PTPRS: variants seen among roughly 807,000 people sequenced by gnomAD.
PTPRS encodes the protein receptor-type tyrosine-protein phosphatase S.
A neutral mutation model predicts 215.3 loss-of-function variants in PTPRS; 63 were observed. The ratio of observed to expected loss-of-function variants is 0.29; its 90% CI spans 0.24 to 0.36. PTPRS has a LOEUF of 0.36. Ranked by LOEUF, PTPRS falls within the 10% of genes least tolerant of loss-of-function variation. The probability of loss-of-function intolerance (pLI) is 1.00; values close to 1 mark genes in which losing one functional copy is unlikely to be tolerated. For synonymous variants in PTPRS, 1,404 were observed against 1,191.4 expected (o/e 1.18, Z -3.68); for missense variants, 2,258 against 2,825.8 (o/e 0.80, Z 4.56).
At position 5,229,536 on chromosome 19, in the gene PTPRS, G is replaced by A; in HGVS notation, c.2304C>T (p.Ala768=). Residue 768 remains alanine, a synonymous_variant, in exon 15 of 38, where the codon GCC becomes GCT. Coordinates refer to ENST00000262963, the MANE Select transcript of PTPRS (RefSeq NM_002850.4). ...VHYVRMEGAE[A]RGPPRIKDVM... is the part of the protein sequence containing the mutation. ...CGTCCTTGATGCGCGGCGGCCCGCG[G>A]GCCTCGGCGCCCTCCATGCGCACGT... is the stretch of plus-strand genomic sequence containing the variant. 6.8e-7 allele frequency: 1 copy of A among 1,465,550 alleles called. No homozygotes were observed. The highest frequency in any genetic ancestry group is 9.0e-7 in the Non-Finnish European group (1 of 1,110,928). 90.8% of individuals were successfully genotyped at this position (1,465,550 alleles called of 1,614,324 possible). A position where few individuals can be genotyped will look rare whatever the true frequency, so the allele number is the denominator to read the frequency against.
chr19:5,338,361 GC>G lies in PTPRS; in HGVS notation c.-95+2302del, dbSNP rs1463553347. ...GGCCCCCAGGGGGCTGGGAGGCCTA[GC>G]CCCCATGCAGAAGTGCACCGTCATG... On this transcript the variant is annotated intron_variant, in intron 1 of 37. Transcript: ENST00000262963. This position sits in a 1 kb window ranked among gnomAD's most constrained non-coding sequence, Gnocchi z 4.2. 6.6e-6 allele frequency among the ~76,000 whole-genome samples: 1 copy of G among 152,184 alleles called. No individual in the cohort carries two copies. Among genetic ancestry groups the G allele is most frequent in the Non-Finnish European group, 1.5e-5 (1 of 68,024 alleles).
chr19:5,289,190 A>G (rs2048609297), intron 1 of PTPRS, among the ~76,000 whole-genome samples: 1 of 151,566 alleles, frequency 6.6e-6, no homozygotes, highest in African/African-American at 2.4e-5. Context: ...CCTCCCACCG[A>G]CTCCTGCTTC....
chr19:5,211,512 C>G, intron 33 of PTPRS, 78 bp downstream of exon 33: 2 of 1,444,752 alleles, frequency 1.4e-6, no homozygotes, highest in Non-Finnish European at 1.9e-6. Flanking sequence ...AGCTCTGTCT[C>G]CCACAAGACT....
chr19:5,226,473 G>A (rs576016567), intron 16 of PTPRS, among the ~76,000 whole-genome samples: 1 of 152,022 alleles, frequency 6.6e-6, no homozygotes, highest in South Asian at 2.1e-4. Flanking sequence ...GCTGACGCCT[G>A]TAATCCCAGC....
intron 16 of PTPRS, among the ~76,000 whole-genome samples, chr19:5,226,577 C>CAAA (rs537275736): frequency 1.3e-4 from 14 of 106,346 alleles, no homozygotes; most frequent in African/African-American, 4.3e-4. Context: ...CTAAAAATAC[C>CAAA]AAAAAAAAAA....
chr19:5,262,236 C>T lies in PTPRS; in HGVS notation c.577+728G>A, dbSNP rs552126411. 3.9e-5 allele frequency among the ~76,000 whole-genome samples: 6 copies of T among 152,266 alleles called. No individual in the cohort carries two copies. In the South Asian group the frequency reaches 1.2e-3, roughly 32 times the overall value. On this transcript the variant is annotated intron_variant, in intron 6 of 37. Transcript: ENST00000262963. ...GCTTTAGTGAGCCGAGATGGTGCCACTGCACTCCAGCCTGGGTGACAGATT... is the reference window on the plus strand; with the variant it reads ...GCTTTAGTGAGCCGAGATGGTGCCATTGCACTCCAGCCTGGGTGACAGATT...
intron 22 of PTPRS, among the ~76,000 whole-genome samples, chr19:5,219,702 C>T (rs1421236430): frequency 6.6e-6 from 1 of 152,198 alleles, no homozygotes; most frequent in Non-Finnish European, 1.5e-5. Flanking sequence ...ACATGCAAAT[C>T]CTGGGATGCT....
chr19:5,281,120 A>T (rs2047813998), intron 2 of PTPRS, among the ~76,000 whole-genome samples: 1 of 151,956 alleles, frequency 6.6e-6, no homozygotes, highest in Non-Finnish European at 1.5e-5. Flanking sequence ...CCTCTGTTGC[A>T]GCAACAGCCA....
chr19:5,320,196 G>A (rs1044492030), intron 1 of PTPRS, among the ~76,000 whole-genome samples: 2 of 152,218 alleles, frequency 1.3e-5, no homozygotes, highest in East Asian at 3.9e-4. Flanking sequence ...TCTGCCATCC[G>A]GCGGCTCAAC....
intron 9 of PTPRS, among the ~76,000 whole-genome samples, chr19:5,249,748 A>T (rs1282987856): frequency 6.6e-6 from 1 of 152,210 alleles, no homozygotes; most frequent in African/African-American, 2.4e-5. Flanking sequence ...CATCATAATA[A>T]ATGTCCAGAA....
chr19:5,270,431 T>C (rs1227877159), intron 4 of PTPRS, among the ~76,000 whole-genome samples: 2 of 151,824 alleles, frequency 1.3e-5, no homozygotes, highest in South Asian at 2.1e-4. Flanking sequence ...CTTGGGACTA[T>C]AGGCAGGCCC....
At chr19:5,302,901 C>CAAAAAAAAA (rs61244607) in intron 1 of PTPRS, among the ~76,000 whole-genome samples, 2 of 112,564 alleles carry the variant, frequency 1.8e-5, no homozygotes, top group African/African-American at 3.2e-5. Flanking sequence ...ACTAAAAATA[C>CAAAAAAAAA]AAAAAAAAAA....
rs1012590140 is a variant in PTPRS at position 5,229,264 on chromosome 19, C to CG, written c.2376+51dup. The CG allele has an allele frequency of 1.0e-5, 14 of 1,360,944 alleles. No homozygotes were observed. In the Admixed American group the frequency reaches 1.9e-4, roughly 19 times the overall value. The allele number at this position is 1,360,944 out of a possible 1,614,324, so 84.3% of individuals were successfully genotyped here. A position where few individuals can be genotyped will look rare whatever the true frequency, so the allele number is the denominator to read the frequency against. On this transcript the variant is annotated intron_variant, in intron 16 of 37. Coordinates refer to ENST00000262963, the MANE Select transcript of PTPRS (RefSeq NM_002850.4). The stretch of plus-strand genomic sequence containing the variant: ...GGCGTGCAGGAGTCACAGCACAGCA[C>CG]GGCCCGCGGGAAGCGCACAGCAGTA...
chr19:5,297,452 T>C (rs1413806691), intron 1 of PTPRS, among the ~76,000 whole-genome samples: 1 of 152,106 alleles, frequency 6.6e-6, no homozygotes, highest in Non-Finnish European at 1.5e-5. Flanking sequence ...GAGGACACAG[T>C]GGTAAGCATG....
At chr19:5,310,737 ACT>A (rs1237556282) in intron 1 of PTPRS, among the ~76,000 whole-genome samples, 1 of 151,148 alleles carries the variant, frequency 6.6e-6, no homozygotes, top group Non-Finnish European at 1.5e-5. Context: ...GCAGGGTCTC[ACT>A]CTGTCACCCA....
chr19:5,220,697 A>G (rs1228093880), intron 20 of PTPRS, among the ~76,000 whole-genome samples: 1 of 152,054 alleles, frequency 6.6e-6, no homozygotes, highest in East Asian at 1.9e-4. Context: ...GGGGACTCTC[A>G]GCTTTGCCTC....
chr19:5,274,395 G>C (rs1457495834), intron 2 of PTPRS, 51 bp from the exon 3 acceptor site: 2 of 1,556,754 alleles, frequency 1.3e-6, no homozygotes, highest in Admixed American at 1.8e-5. Flanking sequence ...CAGGCATCTG[G>C]CTAGGATACC....
At position 5,293,208 on chromosome 19, in the gene PTPRS, C is replaced by G. The variant is rs2048986660; in HGVS notation, c.-94-6974G>C. Reference sequence around the variant, plus strand: ...CAGGGCCCGCCGCAGCCGCTCCCCGCGTCCCTCGGTCCGCCCGGAGCGCGG... The same window carrying G: ...CAGGGCCCGCCGCAGCCGCTCCCCGGGTCCCTCGGTCCGCCCGGAGCGCGG... On this transcript the variant is annotated intron_variant, in intron 1 of 37. Coordinates refer to ENST00000262963, the MANE Select transcript of PTPRS (RefSeq NM_002850.4). This position sits in a 1 kb window ranked among gnomAD's most constrained non-coding sequence, Gnocchi z 8.4. 1 of 151,430 alleles carries G rather than the reference C, an allele frequency of 6.6e-6. No homozygotes were observed. The allele number at this position is 151,430 out of a possible 1,614,324, so 9.4% of individuals were successfully genotyped here. A position where few individuals can be genotyped will look rare whatever the true frequency, so the allele number is the denominator to read the frequency against.
chr19:5,271,355 CG>C (rs1300710690), intron 4 of PTPRS, among the ~76,000 whole-genome samples: 1 of 151,840 alleles, frequency 6.6e-6, no homozygotes, highest in Non-Finnish European at 1.5e-5. Context: ...ATCTGGTTCA[CG>C]GAATTACCCC....
Sources: gnomAD v4.1 joint callset for allele counts (sites outside exome capture counted in the v4.1 genomes callset) on GRCh38, gnomAD v4.1.1 for gene constraint, Gnocchi (gnomAD v3.1) non-coding constraint, MANE v1.5 for transcripts, NCBI Gene and HGNC (gene_info 2026-07-23, HGNC 2026-07-21) for gene names.